Variants in VPS13C observed in about 807,000 individuals in gnomAD.
The protein encoded by VPS13C is intermembrane lipid transfer protein VPS13C.
In VPS13C, 358 loss-of-function variants were observed where a neutral mutation model predicts 456.8. The ratio of observed to expected loss-of-function variants is 0.78; its 90% CI spans 0.72 to 0.86. VPS13C has a LOEUF of 0.86. VPS13C is among the 40% of genes least tolerant of loss of function. The probability of loss-of-function intolerance (pLI) is 0.00; values close to 1 mark genes in which losing one functional copy is unlikely to be tolerated. For synonymous variants in VPS13C, 1,578 were observed against 1,486.7 expected, an observed-to-expected ratio of 1.06 and a Z score of -1.41; for missense variants, 4,818 against 4,385.4, an observed-to-expected ratio of 1.10 and a Z score of -2.79.
chr15:62,015,539 A>G (rs1157839427), intron 9 of VPS13C, among the ~76,000 whole-genome samples: 1 of 149,686 alleles, frequency 6.7e-6, no homozygotes, highest in Non-Finnish European at 1.5e-5. Context: ...ATGTCCAACA[A>G]TGATAGACTG....
At chr15:61,894,718 G>A (rs528949000) in intron 66 of VPS13C, among the ~76,000 whole-genome samples, 6 of 152,108 alleles carry the variant, frequency 3.9e-5, no homozygotes, top group African/African-American at 1.4e-4. Context: ...CCCAACACCA[G>A]AGCAGCCAAA....
chr15:61,930,132 T>C (rs78893190), intron 50 of VPS13C, among the ~76,000 whole-genome samples: 1,635 of 152,316 alleles, frequency 0.011, 32 homozygotes, highest in African/African-American at 0.038. Context: ...CCTTTTAATA[T>C]TATTTATGAA....
rs142708520 is a variant in VPS13C at position 61,987,300 on chromosome 15, C to T, written c.1579-2301G>A. The stretch of plus-strand genomic sequence containing the variant: ...TCAAGTGCATTAGTCCATTCTCATG[C>T]TGCTAATAAAGACATACCTGAGACT... On this transcript the variant is annotated intron_variant, in intron 18 of 84. Transcript: ENST00000644861. Among the ~76,000 whole-genome samples, 893 of 152,046 alleles carry T rather than the reference C, an allele frequency of 5.9e-3. 7 individuals are homozygous for T. The highest frequency in any genetic ancestry group is 0.02 in the African/African-American group (848 of 41,476).
intron 82 of VPS13C, among the ~76,000 whole-genome samples, chr15:61,860,361 C>T (rs1217152891): frequency 2.0e-5 from 3 of 152,110 alleles, no homozygotes; most frequent in African/African-American, 2.4e-5. Flanking sequence ...AGAAAGAACA[C>T]TTTCATATAT....
At chr15:61,859,798 C>T (rs888925718) in intron 82 of VPS13C, among the ~76,000 whole-genome samples, 2 of 151,996 alleles carry the variant, frequency 1.3e-5, no homozygotes, top group East Asian at 3.9e-4. Context: ...AGAGATGTAA[C>T]TTCATCTCTG....
chr15:61,961,758 C>G lies in VPS13C; in HGVS notation c.3739G>C (p.Ala1247Pro). Residue 1247 changes from alanine to proline, a missense_variant, in exon 35 of 85, where the codon GCA becomes CCA. Physicochemically the swap from Ala to Pro is conservative, Grantham distance 27. Transcript: ENST00000644861. Reference sequence around the variant, plus strand: ...GACTGTGGGATGACTATAACCGGTGCTTTCAAATCAATATTGATGGAAACA... The same window carrying G: ...GACTGTGGGATGACTATAACCGGTGGTTTCAAATCAATATTGATGGAAACA... ...FRVSINIDLK[A>P]PVIVIPQSSI... 6.2e-7 allele frequency: 1 copy of G among 1,614,020 alleles called. No individual in the cohort carries two copies. Among genetic ancestry groups the G allele is most frequent in the Non-Finnish European group, 8.5e-7 (1 of 1,179,946 alleles).
chr15:62,055,493 G>A (rs1333185296), intron 1 of VPS13C, among the ~76,000 whole-genome samples: 4 of 150,502 alleles, frequency 2.7e-5, no homozygotes, highest in Non-Finnish European at 5.9e-5. Flanking sequence ...TGCCTGCCTC[G>A]GCCTCCCAAA....
At chr15:62,023,349 A>G in intron 8 of VPS13C, 62 bp downstream of exon 8, 1 of 1,039,852 alleles carries the variant, frequency 9.6e-7, no homozygotes, top group Non-Finnish European at 1.3e-6. Flanking sequence ...CACATATAGA[A>G]AAGTCAAGAA....
At chr15:61,883,803 C>G (rs898255494) in intron 68 of VPS13C, among the ~76,000 whole-genome samples, 3 of 151,950 alleles carry the variant, frequency 2.0e-5, no homozygotes, top group Non-Finnish European at 4.4e-5. Flanking sequence ...GCATTCTTAA[C>G]TTCTCCCTAA....
In VPS13C at chr15:61,974,351, C is replaced by G. The variant is rs754606218; in HGVS notation, c.2475G>C (p.Val825=). 21 of 1,612,718 alleles carry G rather than the reference C, an allele frequency of 1.3e-5. No individual in the cohort carries two copies. The South Asian group carries it at 2.2e-4, about 17-fold the overall frequency. ...AAGGTATACTGTTCATCAAATATAG[C>G]ACATCTTTCATCTTCTGGTCAGAAA... ...VRISDQKMKD[V]LYLMNSIPLP... is the part of the protein sequence containing the mutation. Residue 825 remains valine (V), a synonymous_variant, in exon 25 of 85, where the codon GTG becomes GTC. Coordinates refer to ENST00000644861, the MANE Select transcript of VPS13C (RefSeq NM_020821.3).
At chr15:61,903,981 A>G (rs188630997) in intron 66 of VPS13C, among the ~76,000 whole-genome samples, 12 of 152,270 alleles carry the variant, frequency 7.9e-5, no homozygotes, top group Non-Finnish European at 7.4e-5. Flanking sequence ...CAAAAATGAA[A>G]CCGAAATAGA....
chr15:62,018,600 C>T (rs1252278621), intron 9 of VPS13C, among the ~76,000 whole-genome samples: 2 of 151,684 alleles, frequency 1.3e-5, no homozygotes, highest in East Asian at 1.9e-4. Flanking sequence ...TATTGATTTG[C>T]GTATGTTGAA....
At position 61,858,023 on chromosome 15, in the gene VPS13C, A is replaced by G. The variant is rs1021014693; in HGVS notation, c.10953-1614T>C. On this transcript the variant is annotated intron_variant, in intron 82 of 84. Transcript: ENST00000644861. The surrounding 1 kb of genome is among the most constrained non-coding windows in gnomAD (Gnocchi z 4.4). The stretch of plus-strand genomic sequence containing the variant: ...GTGGCAATCTCCAACACCACCATAC[A>G]TTTCCAAACAGTCTCCACTGCCCAC... 5.3e-5 allele frequency among the ~76,000 whole-genome samples: 8 copies of G among 152,254 alleles called. No individual in the cohort carries two copies. The highest frequency in any genetic ancestry group is 1.9e-4 in the African/African-American group (8 of 41,564).
At chr15:62,027,875 T>C (rs77717310) in intron 6 of VPS13C, among the ~76,000 whole-genome samples, 1,668 of 152,110 alleles carry the variant, frequency 0.011, 41 homozygotes, top group African/African-American at 0.039. Flanking sequence ...TAGAGGCACC[T>C]CCAGAGCTAC....
chr15:61,895,351 T>C lies in VPS13C; in HGVS notation c.9106-4951A>G, dbSNP rs572248093. Among the ~76,000 whole-genome samples the C allele has an allele frequency of 2.6e-5, 4 of 150,974 alleles. No homozygotes were observed. The East Asian group carries it at 7.8e-4, about 29-fold the overall frequency. On this transcript the variant is annotated intron_variant, in intron 66 of 84. Coordinates refer to ENST00000644861, the MANE Select transcript of VPS13C (RefSeq NM_020821.3). The stretch of plus-strand genomic sequence containing the variant: ...AACCAAAATTAGTAGAAGGAAAAAA[T>C]AATAAAGATCAGAGCAGAAATAAAT...
rs923961709 is a variant in VPS13C at position 61,878,817 on chromosome 15, T to C, written c.10003-71A>G. The C allele has an allele frequency of 4.8e-6, 7 of 1,471,604 alleles. No homozygotes were observed. The African/African-American group carries it at 1.0e-4, about 21-fold the overall frequency. The allele number at this position is 1,471,604 out of a possible 1,614,324, so 91.2% of individuals were successfully genotyped here. A position where few individuals can be genotyped will look rare whatever the true frequency, so the allele number is the denominator to read the frequency against. On this transcript the variant is annotated intron_variant, in intron 73 of 84. Transcript: ENST00000644861. ...ATTTACATATTTAGGATCCAGGTAG[T>C]CCAGAAACAAACCAAAAAAAGTCTT...
At position 61,869,524 on chromosome 15, in the gene VPS13C, C is replaced by T. The variant is rs1166234605; in HGVS notation, c.10724G>A (p.Ser3575Asn). ...CCTCTGAATGCCTTGGAAGGTACTA[C>T]TGGCCATATCTACGATTCCACCAGT... is the stretch of plus-strand genomic sequence containing the variant. Reference protein sequence around the residue: ...RPTGGIVDMASSTFQGIQRAA... With the variant: ...RPTGGIVDMANSTFQGIQRAA... The change falls in exon 80 of 85, where the codon AGT becomes AAT. Residue 3575 changes from serine (S) to asparagine (N), a missense_variant. Physicochemically the swap from Ser to Asn is conservative, Grantham distance 46 (BLOSUM62 1). Transcript: ENST00000644861. 5 of 1,614,058 alleles carry T rather than the reference C, an allele frequency of 3.1e-6. No homozygotes were observed. The highest frequency in any genetic ancestry group is 1.1e-5 in the South Asian group (1 of 91,090).
intron 66 of VPS13C, among the ~76,000 whole-genome samples, chr15:61,896,077 C>A (rs1212122467): frequency 6.6e-6 from 1 of 152,070 alleles, no homozygotes. Context: ...ACAATTGTGT[C>A]AATTTTTAAA....
intron 65 of VPS13C, among the ~76,000 whole-genome samples, chr15:61,907,848 G>C (rs1300816526): frequency 6.6e-6 from 1 of 152,096 alleles, no homozygotes; most frequent in Non-Finnish European, 1.5e-5. Flanking sequence ...TCAAACTCCT[G>C]GGCTCATGAG....
Sources: allele counts gnomAD v4.1 joint callset (sites outside exome capture counted in the v4.1 genomes callset), GRCh38; gene constraint gnomAD v4.1.1; non-coding constraint Gnocchi (gnomAD v3.1); transcripts MANE v1.5; gene names NCBI Gene and HGNC (gene_info 2026-07-23, HGNC 2026-07-21).